ACTR3B: variants seen among roughly 807,000 people sequenced by gnomAD.
ACTR3B encodes the protein actin-related protein 3B.
ACTR3B carries 8 observed loss-of-function variants against 59.0 expected under a neutral mutation model. That is an observed-to-expected ratio of 0.14 (90% CI 0.08 to 0.24). The LOEUF is 0.24. Among genes scored for constraint, ACTR3B ranks in the 10% least tolerant of loss-of-function variants. The pLI is 1.00. For missense variants in ACTR3B, 245 were observed against 552.3 expected, an observed-to-expected ratio of 0.44 and a Z score of 5.58; for synonymous variants, 148 against 197.9, an observed-to-expected ratio of 0.75 and a Z score of 2.12.
At chr7:152,834,037 G>A (rs1204195441) in intron 9 of ACTR3B, among the ~76,000 whole-genome samples, 5 of 151,850 alleles carry the variant, frequency 3.3e-5, no homozygotes, top group Non-Finnish European at 7.4e-5. Flanking sequence ...CTACAGATGA[G>A]CAGAGTGCAT....
chr7:152,812,658 T>C (rs887220282), intron 4 of ACTR3B: 5 of 143,930 alleles, frequency 3.5e-5, no homozygotes, highest in Non-Finnish European at 6.1e-5. Context: ...AAATATTAGA[T>C]ATTTTGATTT....
At chr7:152,846,522 G>A (rs1426561174) in intron 9 of ACTR3B, among the ~76,000 whole-genome samples, 3 of 114,264 alleles carry the variant, frequency 2.6e-5, no homozygotes, top group Admixed American at 9.3e-5. Context: ...CTCTAGTGCC[G>A]GGCTGTAGTG....
At chr7:152,832,693 G>C (rs561108712) in intron 9 of ACTR3B, among the ~76,000 whole-genome samples, 1 of 152,192 alleles carries the variant, frequency 6.6e-6, no homozygotes. Flanking sequence ...TCTATAAACT[G>C]TAAGGAATTG....
At chr7:152,832,896 A>G (rs1797140340) in intron 9 of ACTR3B, among the ~76,000 whole-genome samples, 1 of 152,226 alleles carries the variant, frequency 6.6e-6, no homozygotes, top group African/African-American at 2.4e-5. Context: ...GACCACATCC[A>G]CAAAACACCC....
intron 1 of ACTR3B, among the ~76,000 whole-genome samples, chr7:152,767,889 A>G (rs2098114822): frequency 6.6e-6 from 1 of 152,004 alleles, no homozygotes; most frequent in Non-Finnish European, 1.5e-5. Context: ...ATTTGTATAA[A>G]TTTTTCCCTT....
chr7:152,803,427 C>A (rs2098243041), intron 4 of ACTR3B, among the ~76,000 whole-genome samples: 2 of 152,146 alleles, frequency 1.3e-5, no homozygotes, highest in African/African-American at 4.8e-5. Context: ...CAAAACAAAT[C>A]ACAGATTCCC....
chr7:152,786,593 CA>C (rs1161330518), intron 2 of ACTR3B, among the ~76,000 whole-genome samples: 8 of 149,312 alleles, frequency 5.4e-5, no homozygotes, highest in Non-Finnish European at 8.9e-5. Context: ...ACCCCACACA[CA>C]AAAAACCCCA....
chr7:152,794,245 G>A (rs944786673), intron 2 of ACTR3B, among the ~76,000 whole-genome samples: 2 of 152,044 alleles, frequency 1.3e-5, no homozygotes, highest in African/African-American at 4.8e-5. Flanking sequence ...TTTACACAGA[G>A]TCTTGCTCTG....
chr7:152,779,324 T>C (rs1228061241), intron 1 of ACTR3B, among the ~76,000 whole-genome samples: 1 of 152,088 alleles, frequency 6.6e-6, no homozygotes, highest in East Asian at 1.9e-4. Context: ...ATGTGGCTTA[T>C]TCTTCCTTGA....
intron 9 of ACTR3B, among the ~76,000 whole-genome samples, chr7:152,831,404 G>T (rs1346807117): frequency 6.6e-6 from 1 of 152,226 alleles, no homozygotes; most frequent in Non-Finnish European, 1.5e-5. Flanking sequence ...GGGCCTCCGT[G>T]TGGACAGGAG....
chr7:152,837,802 G>A (rs1447435882), intron 9 of ACTR3B, among the ~76,000 whole-genome samples: 3 of 152,158 alleles, frequency 2.0e-5, no homozygotes, highest in African/African-American at 7.2e-5. Flanking sequence ...CGACTTTGTT[G>A]TGGTTTGCTC....
At chr7:152,789,623 A>G (rs1280221227) in intron 2 of ACTR3B, among the ~76,000 whole-genome samples, 2 of 151,046 alleles carry the variant, frequency 1.3e-5, no homozygotes, top group Non-Finnish European at 2.9e-5. Context: ...AAAGTTTTCT[A>G]TGCAGACTAT....
chr7:152,763,434 CT>C (rs993893068), intron 1 of ACTR3B, among the ~76,000 whole-genome samples: 3 of 124,338 alleles, frequency 2.4e-5, no homozygotes, highest in African/African-American at 3.0e-5. Flanking sequence ...TTGTTTTTTT[CT>C]TTTTTTTTGA....
In ACTR3B at chr7:152,832,778, C is replaced by T. The variant is rs138381339; in HGVS notation, c.951+7656C>T. Among the ~76,000 whole-genome samples, 1,495 of 152,268 alleles carry T rather than the reference C, an allele frequency of 9.8e-3. 22 individuals are homozygous for T. Among genetic ancestry groups the T allele is most frequent in the African/African-American group, 0.034 (1,394 of 41,556 alleles). ...TGGAAACTCAGGCAGAATTCCTTCTCGGGGAAATGCATTCCTTCTTGAGGA... is the reference window on the plus strand; with the variant it reads ...TGGAAACTCAGGCAGAATTCCTTCTTGGGGAAATGCATTCCTTCTTGAGGA... On this transcript the variant is annotated intron_variant, in intron 9 of 11. Transcript: ENST00000256001.
chr7:152,827,535 G>A (rs1195442261), intron 9 of ACTR3B, among the ~76,000 whole-genome samples: 1 of 151,230 alleles, frequency 6.6e-6, no homozygotes, highest in African/African-American at 2.5e-5. Flanking sequence ...TCAGTGTTCA[G>A]CAGCAAAGGT....
chr7:152,809,530 GTTTTTTC>G (rs1181134017), intron 4 of ACTR3B, among the ~76,000 whole-genome samples: 2 of 151,366 alleles, frequency 1.3e-5, no homozygotes, highest in Non-Finnish European at 2.9e-5. Context: ...ACTTGTTTTT[GTTTTTTC>G]TTTTTTTTTT....
At chr7:152,768,829 TATTA>T (rs2098117276) in intron 1 of ACTR3B, among the ~76,000 whole-genome samples, 1 of 151,758 alleles carries the variant, frequency 6.6e-6, no homozygotes, top group Non-Finnish European at 1.5e-5. Context: ...TGAACTACCT[TATTA>T]ATTATGTTAT....
At chr7:152,810,895 C>A (rs1032458685) in intron 4 of ACTR3B, 3 of 145,246 alleles carry the variant, frequency 2.1e-5, no homozygotes, top group Non-Finnish European at 4.5e-5. Context: ...CAGAGTGAGA[C>A]GCTGTCTCAA....
chr7:152,789,533 T>C (rs2098187599), intron 2 of ACTR3B, among the ~76,000 whole-genome samples: 1 of 150,264 alleles, frequency 6.7e-6, no homozygotes, highest in African/African-American at 2.5e-5. Context: ...ATGGGAATGT[T>C]ACTGAGGTTT....
Sources: gnomAD v4.1 joint callset for allele counts (sites outside exome capture counted in the v4.1 genomes callset) on GRCh38, gnomAD v4.1.1 for gene constraint, MANE v1.5 for transcripts, NCBI Gene and HGNC (gene_info 2026-07-23, HGNC 2026-07-21) for gene names.